EIF3A: variants seen among roughly 807,000 people sequenced by gnomAD.
EIF3A encodes EIF3, p180 subunit.
In EIF3A, 21 loss-of-function variants were observed where a neutral mutation model predicts 186.6. The observed-to-expected ratio is 0.11, with a 90% CI of 0.08 to 0.16. The LOEUF is 0.16. Ranked by LOEUF, EIF3A falls within the 10% of genes least tolerant of loss-of-function variation. EIF3A has a pLI of 1.00. For missense variants in EIF3A, 1,306 were observed against 1,796.3 expected (o/e 0.73, Z 4.93); for synonymous variants, 563 against 584.3 (o/e 0.96, Z 0.52).
chr10:119,059,940 T>C lies in EIF3A; in HGVS notation c.1327-222A>G, dbSNP rs2119819492. On this transcript the variant is annotated intron_variant, in intron 9 of 21. Transcript: ENST00000369144. Reference sequence around the variant, plus strand: ...TCAAACCTATAATCTTTTCAAATCCTAGTTGTTGTAAAACAAAAAAGCCTA... The same window carrying C: ...TCAAACCTATAATCTTTTCAAATCCCAGTTGTTGTAAAACAAAAAAGCCTA... 4 of 605,190 alleles carry C rather than the reference T, an allele frequency of 6.6e-6. No homozygotes were observed. In the South Asian group the frequency reaches 6.7e-5, roughly 10 times the overall value. The allele number at this position is 605,190 out of a possible 1,614,324, so 37.5% of individuals were successfully genotyped here.
At position 119,043,064 on chromosome 10, in the gene EIF3A, G is replaced by A. The variant is rs539106974; in HGVS notation, c.2748-292C>T. Among the ~76,000 whole-genome samples the A allele has an allele frequency of 1.8e-3, 268 of 152,046 alleles. 2 individuals carry two copies. Among genetic ancestry groups the A allele is most frequent in the African/African-American group, 6.1e-3 (253 of 41,462 alleles). On this transcript the variant is annotated intron_variant, in intron 18 of 21. Transcript: ENST00000369144. ...TTTGGAAGGCCAAGGCGGGAGGATTGCTTGAGCCCAGGAGTTTGAGACTAG... is the reference window on the plus strand; with the variant it reads ...TTTGGAAGGCCAAGGCGGGAGGATTACTTGAGCCCAGGAGTTTGAGACTAG...
At position 119,068,296 on chromosome 10, in the gene EIF3A, T is replaced by C. The variant is rs150089528; in HGVS notation, c.950+1150A>G. On this transcript the variant is annotated intron_variant, in intron 6 of 21. Coordinates refer to ENST00000369144, the MANE Select transcript of EIF3A (RefSeq NM_003750.4). ...GTTGGGTTATAGACCCTTCCTTTTA[T>C]ATTCATATGTATTTATATGAGAATA... is the stretch of plus-strand genomic sequence containing the variant. 9.1e-4 allele frequency among the ~76,000 whole-genome samples: 139 copies of C among 152,350 alleles called. 1 individual carries two copies. The highest frequency in any genetic ancestry group is 3.2e-3 in the African/African-American group (134 of 41,580).
At chr10:119,076,390 T>C (rs754723230) in intron 1 of EIF3A, among the ~76,000 whole-genome samples, 1 of 150,300 alleles carries the variant, frequency 6.7e-6, no homozygotes, top group Non-Finnish European at 1.5e-5. Context: ...CTTTGTACAA[T>C]ACCTTATATG....
chr10:119,072,393 C>T lies in EIF3A; in HGVS notation c.541+497G>A, dbSNP rs1452314656. ...AATAAAATACAATTCACACAAAACT[C>T]CTTTAAAGAGTAAAACAAATTCCTT... On this transcript the variant is annotated intron_variant, in intron 4 of 21. Transcript: ENST00000369144. 2.0e-5 allele frequency among the ~76,000 whole-genome samples: 3 copies of T among 151,896 alleles called. No homozygotes were observed. The East Asian group carries it at 5.8e-4, about 29-fold the overall frequency.
chr10:119,045,199 C>T (rs530220069), intron 17 of EIF3A, among the ~76,000 whole-genome samples: 2 of 152,158 alleles, frequency 1.3e-5, no homozygotes, highest in Non-Finnish European at 2.9e-5. Context: ...CCTGCCTAGG[C>T]TTCCCAAAGT....
At chr10:119,043,736 A>G (rs563994949) in intron 18 of EIF3A, among the ~76,000 whole-genome samples, 29 of 152,188 alleles carry the variant, frequency 1.9e-4, no homozygotes, top group African/African-American at 6.7e-4. Context: ...CTTGGGCAAC[A>G]TGGCAAAACC....
chr10:119,047,812 A>T (rs1025375711), intron 17 of EIF3A, among the ~76,000 whole-genome samples: 1 of 152,236 alleles, frequency 6.6e-6, no homozygotes, highest in African/African-American at 2.4e-5. Flanking sequence ...CACAAACTGA[A>T]GACACATAAA....
chr10:119,058,714 C>T (rs1416104252), intron 11 of EIF3A, among the ~76,000 whole-genome samples: 1 of 152,232 alleles, frequency 6.6e-6, no homozygotes, highest in Non-Finnish European at 1.5e-5. Flanking sequence ...GAAACCCCAT[C>T]TCTACTAAAA....
At chr10:119,044,006 G>T in intron 18 of EIF3A, 48 bp downstream of exon 18, 1 of 1,332,082 alleles carries the variant, frequency 7.5e-7, no homozygotes, top group Non-Finnish European at 1.1e-6. Context: ...CCACTGATAA[G>T]ATATTAACAG....
chr10:119,049,676 C>T (rs888843709), intron 17 of EIF3A, 125 bp downstream of exon 17: 20 of 763,194 alleles, frequency 2.6e-5, no homozygotes, highest in East Asian at 5.0e-5. Context: ...CACTTGAACC[C>T]GGGGGCTGAG....
intron 14 of EIF3A, among the ~76,000 whole-genome samples, chr10:119,054,714 C>T (rs1023802368): frequency 1.3e-4 from 16 of 119,566 alleles, no homozygotes; most frequent in Non-Finnish European, 1.7e-4. Context: ...GCAACAACGG[C>T]GAAACTCCAT....
At position 119,036,248 on chromosome 10, in the gene EIF3A, C is replaced by T. The variant is rs1156852412; in HGVS notation, c.3940G>A (p.Asp1314Asn). 5 of 1,613,130 alleles carry T rather than the reference C, an allele frequency of 3.1e-6. No individual in the cohort carries two copies. The highest frequency in any genetic ancestry group is 4.2e-6 in the Non-Finnish European group (5 of 1,179,740). ...REEVSSWRRA[D>N]DRKDDRVEER... Reference sequence around the variant, plus strand: ...TCCACCCGGTCATCTTTCCTGTCATCAGCACGTCTCCAAGAACTTACTAAA... The same window carrying T: ...TCCACCCGGTCATCTTTCCTGTCATTAGCACGTCTCCAAGAACTTACTAAA... Residue 1314 changes from aspartate (D) to asparagine (N), a missense_variant, in exon 22 of 22, where the codon GAT (aspartate) becomes AAT (asparagine). Asp to Asn is a conservative substitution (Grantham distance 23, BLOSUM62 1). Transcript: ENST00000369144.
intron 6 of EIF3A, among the ~76,000 whole-genome samples, chr10:119,066,073 G>A (rs1184057950): frequency 4.0e-5 from 6 of 151,438 alleles, no homozygotes; most frequent in Admixed American, 6.6e-5. Flanking sequence ...CCAAGATCGC[G>A]CCACTGCACT....
intron 17 of EIF3A, among the ~76,000 whole-genome samples, 183 bp downstream of exon 17, chr10:119,049,618 G>T (rs193268334): frequency 6.6e-6 from 1 of 151,970 alleles, no homozygotes; most frequent in East Asian, 1.9e-4. Flanking sequence ...CAGGCATGGT[G>T]GTATGCACCT....
chr10:119,041,445 G>A (rs1337926269), intron 19 of EIF3A, among the ~76,000 whole-genome samples: 4 of 152,014 alleles, frequency 2.6e-5, no homozygotes, highest in Admixed American at 6.6e-5. Flanking sequence ...GGTGGCATGC[G>A]CCTGTAGTCC....
chr10:119,033,872 TAAAAA>T lies in EIF3A; in HGVS notation c.*2162_*2166del, dbSNP rs3061097. The T allele has an allele frequency of 3.0e-4, 48 of 160,710 alleles. No individual in the cohort carries two copies. The highest frequency in any genetic ancestry group is 2.0e-4 in the East Asian group (1 of 5,092). 10.0% of individuals were successfully genotyped at this position (160,710 alleles called of 1,614,324 possible). ...TCAATCTATGGTCAGTGTCTTTGGT[TAAAAA>T]AAAAAAAAAACACAGGCAGTTCTTT... On this transcript the variant is annotated 3_prime_UTR_variant, in exon 22 of 22. Coordinates refer to ENST00000369144, the MANE Select transcript of EIF3A (RefSeq NM_003750.4).
At chr10:119,072,414 T>A (rs924184555) in intron 4 of EIF3A, among the ~76,000 whole-genome samples, 12 of 147,154 alleles carry the variant, frequency 8.2e-5, no homozygotes, top group African/African-American at 2.7e-4. Context: ...TAAAACAAAT[T>A]CCTTACTCAG....
Position 119,042,797 on chromosome 10 carries a change from A to G in EIF3A, c.2748-25T>C. The G allele has an allele frequency of 6.5e-7, 1 of 1,529,988 alleles. No homozygotes were observed. The highest frequency in any genetic ancestry group is 8.7e-7 in the Non-Finnish European group (1 of 1,147,592). The allele number at this position is 1,529,988 out of a possible 1,614,324, so 94.8% of individuals were successfully genotyped here. A position where few individuals can be genotyped will look rare whatever the true frequency, so the allele number is the denominator to read the frequency against. ...CCTACACAGCAACAAGAACAATTAA[A>G]AATATATAAAATAAAAAAGCATATG... is the stretch of plus-strand genomic sequence containing the variant. On this transcript the variant is annotated intron_variant, in intron 18 of 21. Coordinates refer to ENST00000369144, the MANE Select transcript of EIF3A (RefSeq NM_003750.4). The surrounding 1 kb of genome is among the most constrained non-coding windows in gnomAD (Gnocchi z 7.8).
Position 119,065,651 on chromosome 10 carries a change from G to A in EIF3A, c.951-81C>T, listed in dbSNP as rs914703925. On this transcript the variant is annotated intron_variant, in intron 6 of 21. Transcript: ENST00000369144. ...GAAAAGCACTTCTCTTTAATCTTAC[G>A]GTAAGGCGTGCTAGTGACAGAACGT... The A allele has an allele frequency of 4.8e-5, 47 of 987,690 alleles. 1 individual carries two copies. The highest frequency in any genetic ancestry group is 4.6e-4 in the Middle Eastern group (2 of 4,386). The allele number at this position is 987,690 out of a possible 1,614,324, so 61.2% of individuals were successfully genotyped here.
Sources: allele counts gnomAD v4.1 joint callset (sites outside exome capture counted in the v4.1 genomes callset), GRCh38; gene constraint gnomAD v4.1.1; non-coding constraint Gnocchi (gnomAD v3.1); transcripts MANE v1.5; gene names NCBI Gene and HGNC (gene_info 2026-07-23, HGNC 2026-07-21).